Variants in HS6ST3 observed in about 807,000 individuals in gnomAD.
The protein encoded by HS6ST3 is heparan-sulfate 6-O-sulfotransferase 3.
In HS6ST3, 12 loss-of-function variants were observed where a neutral mutation model predicts 36.7. That is an observed-to-expected ratio of 0.33 (90% CI 0.21 to 0.53). The LOEUF is 0.53. Among genes scored for constraint, HS6ST3 ranks in the 20% least tolerant of loss-of-function variants. The pLI is 0.95. For synonymous variants in HS6ST3, 240 were observed against 257.5 expected (o/e 0.93, Z 0.65); for missense variants, 584 against 640.9 (o/e 0.91, Z 0.96).
intron 1 of HS6ST3, among the ~76,000 whole-genome samples, chr13:96,303,392 A>G (rs1037545566): frequency 3.9e-5 from 6 of 152,168 alleles, no homozygotes; most frequent in African/African-American, 1.4e-4. Flanking sequence ...TGTTATTTTC[A>G]ATCTAGTTTT....
chr13:96,602,194 TTTGTTGTTG>T (rs139299928), intron 1 of HS6ST3, among the ~76,000 whole-genome samples: 2,530 of 152,136 alleles, frequency 0.017, 53 homozygotes, highest in African/African-American at 0.045. Flanking sequence ...AATCTGTATC[TTTGTTGTTG>T]TTGTTGTTGT....
chr13:96,726,826 AG>A (rs1373170772), intron 1 of HS6ST3, among the ~76,000 whole-genome samples: 3 of 151,792 alleles, frequency 2.0e-5, no homozygotes, highest in Non-Finnish European at 4.4e-5. Context: ...CATTATTTCC[AG>A]TGAGAAATCT....
chr13:96,477,260 A>G (rs2055868728), intron 1 of HS6ST3, among the ~76,000 whole-genome samples: 1 of 152,174 alleles, frequency 6.6e-6, no homozygotes, highest in South Asian at 2.1e-4. Context: ...TTGAGCTGGG[A>G]GACTGGGATA....
chr13:96,810,938 T>C (rs1878304382), intron 1 of HS6ST3, among the ~76,000 whole-genome samples: 1 of 152,176 alleles, frequency 6.6e-6, no homozygotes, highest in Non-Finnish European at 1.5e-5. Context: ...ATTATAGGCC[T>C]CTGAGCTGTG....
chr13:96,358,800 T>C (rs2055222491), intron 1 of HS6ST3, among the ~76,000 whole-genome samples: 1 of 152,108 alleles, frequency 6.6e-6, no homozygotes, highest in Non-Finnish European at 1.5e-5. Context: ...AGACGCATGC[T>C]GAAATATTTA....
At chr13:96,336,391 A>G (rs1246800297) in intron 1 of HS6ST3, among the ~76,000 whole-genome samples, 1 of 152,200 alleles carries the variant, frequency 6.6e-6, no homozygotes, top group Admixed American at 6.5e-5. Context: ...TGTTAAAGTC[A>G]CACATTGGAG....
At chr13:96,127,382 A>G (rs1157764983) in intron 1 of HS6ST3, among the ~76,000 whole-genome samples, 1 of 152,200 alleles carries the variant, frequency 6.6e-6, no homozygotes, top group African/African-American at 2.4e-5. Context: ...ATGAGCATCT[A>G]ACCTTGATTT....
chr13:96,535,140 G>C (rs2056150173), intron 1 of HS6ST3, among the ~76,000 whole-genome samples: 1 of 152,216 alleles, frequency 6.6e-6, no homozygotes, highest in African/African-American at 2.4e-5. Context: ...AGTGTGCCTG[G>C]GACTGGGGTA....
At chr13:96,621,247 G>A (rs972704431) in intron 1 of HS6ST3, among the ~76,000 whole-genome samples, 3 of 152,118 alleles carry the variant, frequency 2.0e-5, no homozygotes, top group Non-Finnish European at 4.4e-5. Context: ...ATTATAACCC[G>A]AATTGTAATC....
chr13:96,595,033 G>A (rs1364785099), intron 1 of HS6ST3, among the ~76,000 whole-genome samples: 1 of 151,972 alleles, frequency 6.6e-6, no homozygotes, highest in African/African-American at 2.4e-5. Flanking sequence ...TTAGAACTTT[G>A]TTGTTTTTGT....
chr13:96,473,543 G>A (rs2138892232), intron 1 of HS6ST3, among the ~76,000 whole-genome samples: 1 of 152,284 alleles, frequency 6.6e-6, no homozygotes, highest in Non-Finnish European at 1.5e-5. Context: ...TACCTCTTCT[G>A]GGGAAGGTTT....
intron 1 of HS6ST3, among the ~76,000 whole-genome samples, chr13:96,660,725 A>G (rs765380841): frequency 1.9e-4 from 29 of 152,150 alleles, no homozygotes; most frequent in Non-Finnish European, 2.8e-4. Context: ...AGAAACCATG[A>G]TGGTTAATAT....
intron 1 of HS6ST3, among the ~76,000 whole-genome samples, chr13:96,568,951 A>T (rs2056291417): frequency 6.6e-6 from 1 of 152,150 alleles, no homozygotes; most frequent in African/African-American, 2.4e-5. Context: ...TAAGCATGGA[A>T]TTTTTTCTGT....
At chr13:96,213,709 G>A (rs1303382606) in intron 1 of HS6ST3, among the ~76,000 whole-genome samples, 1 of 152,134 alleles carries the variant, frequency 6.6e-6, no homozygotes, top group Non-Finnish European at 1.5e-5. Context: ...TTTGTATGTG[G>A]ATGTAGCATG....
intron 1 of HS6ST3, among the ~76,000 whole-genome samples, chr13:96,694,200 G>A (rs1369576164): frequency 6.6e-6 from 1 of 152,014 alleles, no homozygotes; most frequent in East Asian, 1.9e-4. Flanking sequence ...GCCCCAGTGT[G>A]TGTTGTTCCC....
At chr13:96,209,150 T>A (rs973554391) in intron 1 of HS6ST3, among the ~76,000 whole-genome samples, 7 of 152,158 alleles carry the variant, frequency 4.6e-5, no homozygotes, top group Admixed American at 4.6e-4. Flanking sequence ...ATCAATATAG[T>A]AATATAGATG....
intron 1 of HS6ST3, among the ~76,000 whole-genome samples, chr13:96,368,681 TTC>T (rs1256044859): frequency 6.6e-6 from 1 of 152,186 alleles, no homozygotes; most frequent in Non-Finnish European, 1.5e-5. Flanking sequence ...TAGAATTTGT[TTC>T]TGTTAGAAAT....
At chr13:96,595,806 G>T (rs553824836) in intron 1 of HS6ST3, among the ~76,000 whole-genome samples, 1 of 148,642 alleles carries the variant, frequency 6.7e-6, no homozygotes, top group Admixed American at 6.7e-5. Context: ...GATCAATTCT[G>T]CTGTGATGTT....
chr13:96,446,433 A>C (rs964936442), intron 1 of HS6ST3, among the ~76,000 whole-genome samples: 4 of 152,176 alleles, frequency 2.6e-5, no homozygotes, highest in Non-Finnish European at 5.9e-5. Flanking sequence ...TAACGAAGAA[A>C]GAACTCTTTA....
Sources: allele counts gnomAD v4.1 joint callset (sites outside exome capture counted in the v4.1 genomes callset), GRCh38; gene constraint gnomAD v4.1.1; transcripts MANE v1.5; gene names NCBI Gene and HGNC (gene_info 2026-07-23, HGNC 2026-07-21).